The following ZNF496 variants were observed in gnomAD, a reference collection of about 807,000 sequenced individuals.
ZNF496 encodes zinc finger protein 496.
In ZNF496, 11 loss-of-function variants were observed where a neutral mutation model predicts 58.9. That is an observed-to-expected ratio of 0.19 (90% CI 0.12 to 0.31). The LOEUF is 0.31. Ranked by LOEUF, ZNF496 falls within the 10% of genes least tolerant of loss-of-function variation. The pLI, the probability that ZNF496 is intolerant of heterozygous loss-of-function variation, is 1.00. For synonymous variants in ZNF496, 338 were observed against 318.2 expected, an observed-to-expected ratio of 1.06 and a Z score of -0.66; for missense variants, 660 against 783.0, an observed-to-expected ratio of 0.84 and a Z score of 1.88.
intron 5 of ZNF496, among the ~76,000 whole-genome samples, chr1:247,328,206 C>T (rs1468905309): frequency 6.6e-6 from 1 of 152,202 alleles, no homozygotes; most frequent in Non-Finnish European, 1.5e-5. Flanking sequence ...ACACACTAGA[C>T]ACCACCCTGT....
At position 247,308,937 on chromosome 1, in the gene ZNF496, C is replaced by T; in HGVS notation, c.893-349G>A. Reference sequence around the variant, plus strand: ...TCATCACCACAGGCTCCTGCACACTCCGCACATCCTGCACAAACAGCTTGT... The same window carrying T: ...TCATCACCACAGGCTCCTGCACACTTCGCACATCCTGCACAAACAGCTTGT... On this transcript the variant is annotated intron_variant, in intron 8 of 9. Transcript: ENST00000682384. This position sits in a 1 kb window ranked among gnomAD's most constrained non-coding sequence, Gnocchi z 4.5. The T allele has an allele frequency of 3.4e-6, 1 of 296,886 alleles. No individual in the cohort carries two copies. Among genetic ancestry groups the T allele is most frequent in the South Asian group, 3.3e-5 (1 of 30,500 alleles). 18.4% of individuals were successfully genotyped at this position (296,886 alleles called of 1,614,324 possible). A position where few individuals can be genotyped will look rare whatever the true frequency, so the allele number is the denominator to read the frequency against.
intron 6 of ZNF496, chr1:247,310,947 G>A (rs56322048): frequency 0.2 from 30,757 of 153,014 alleles, 3,806 homozygotes; most frequent in East Asian, 0.41. Context: ...AACCCTCAAA[G>A]TCTTAATTCA....
intron 6 of ZNF496, 85 bp from the exon 7 acceptor site, chr1:247,310,541 A>G: frequency 6.6e-7 from 1 of 1,521,446 alleles, no homozygotes; most frequent in Non-Finnish European, 9.0e-7. Flanking sequence ...TGACAACACA[A>G]CGCTGTAGGA....
At chr1:247,301,896 G>C (rs2103015133) in intron 9 of ZNF496, among the ~76,000 whole-genome samples, 1 of 152,282 alleles carries the variant, frequency 6.6e-6, no homozygotes, top group Admixed American at 6.5e-5. Flanking sequence ...CTGCTCAACA[G>C]TCCCAGACTG....
At chr1:247,306,684 T>C (rs1659423862) in intron 9 of ZNF496, among the ~76,000 whole-genome samples, 1 of 150,128 alleles carries the variant, frequency 6.7e-6, no homozygotes, top group South Asian at 2.1e-4. Flanking sequence ...GTATTTTTAG[T>C]AGAGACAGGT....
chr1:247,300,541 T>C lies in ZNF496; in HGVS notation c.1742A>G (p.Lys581Arg), dbSNP rs1331806140. The C allele has an allele frequency of 6.2e-7, 1 of 1,609,766 alleles. No individual in the cohort carries two copies. The highest frequency in any genetic ancestry group is 8.5e-7 in the Non-Finnish European group (1 of 1,176,944). ...GGCTCAGTAGGAGTTCAGAGCCTGC[T>C]TGGAACGGCGCTTCATGTGCAGGCG... Reference protein sequence around the residue: ...HERLHMKRRSKQALNSY With the variant: ...HERLHMKRRSRQALNSY The change falls in exon 10 of 10, where the codon AAG becomes AGG. Residue 581 changes from lysine to arginine, a missense_variant. Physicochemically the swap from Lys to Arg is conservative, Grantham distance 26. Transcript: ENST00000682384. This position sits in a 1 kb window ranked among gnomAD's most constrained non-coding sequence, Gnocchi z 5.7.
intron 5 of ZNF496, among the ~76,000 whole-genome samples, chr1:247,325,963 G>A (rs1055903922): frequency 4.0e-5 from 6 of 151,528 alleles, no homozygotes; most frequent in African/African-American, 4.9e-5. Flanking sequence ...CATGTTGGCC[G>A]GGCACAGTGG....
chr1:247,314,622 A>C (rs1319335799), intron 6 of ZNF496, among the ~76,000 whole-genome samples: 2 of 152,238 alleles, frequency 1.3e-5, no homozygotes, highest in African/African-American at 4.8e-5. Flanking sequence ...AAAAAGGAAC[A>C]GAATAATTTT....
chr1:247,304,191 C>T, intron 9 of ZNF496: 2 of 267,238 alleles, frequency 7.5e-6, no homozygotes, highest in Non-Finnish European at 1.5e-5. Context: ...CCAAAGGTGG[C>T]TCAGAGGTTA....
At position 247,329,267 on chromosome 1, in the gene ZNF496, C is replaced by A. The variant is rs760533540; in HGVS notation, c.312G>T (p.Ala104=). The change falls in exon 4 of 10, where the codon GCG becomes GCT. Residue 104 remains alanine (A), a synonymous_variant. Coordinates refer to ENST00000682384, the MANE Select transcript of ZNF496 (RefSeq NM_032752.3). This position sits in a 1 kb window ranked among gnomAD's most constrained non-coding sequence, Gnocchi z 5.5. ...LPREIQSWVR[A]QEPESGEQAV... ...CCTGCTCTCCGCTCTCAGGCTCCTG[C>A]GCCCGCACCCAGCTCTGGATCTCCC... 1 of 1,613,672 alleles carries A rather than the reference C, an allele frequency of 6.2e-7. No individual in the cohort carries two copies. The highest frequency in any genetic ancestry group is 8.5e-7 in the Non-Finnish European group (1 of 1,180,020).
Position 247,300,638 on chromosome 1 carries a change from T to C in ZNF496, c.1645A>G (p.Lys549Glu). 6.2e-7 allele frequency: 1 copy of C among 1,614,180 alleles called. No homozygotes were observed. Among genetic ancestry groups the C allele is most frequent in the Non-Finnish European group, 8.5e-7 (1 of 1,180,048 alleles). The stretch of plus-strand genomic sequence containing the variant: ...TACCGGCACTGGAAGGGCCGGGCTT[T>C]GTCCTTCAGGTGAAAGTGGCTGCGG... ...RHRSHFHLKD[K>E]ARPFQCRYCV... The change falls in exon 10 of 10, where the codon AAA (lysine) becomes GAA (glutamate). Residue 549 changes from lysine to glutamate, a missense_variant. Coordinates refer to ENST00000682384, the MANE Select transcript of ZNF496 (RefSeq NM_032752.3). This position sits in a 1 kb window ranked among gnomAD's most constrained non-coding sequence, Gnocchi z 5.7.
intron 5 of ZNF496, among the ~76,000 whole-genome samples, chr1:247,326,071 C>T (rs2386529): frequency 0.016 from 1,628 of 99,322 alleles, 12 homozygotes; most frequent in Middle Eastern, 0.022. Context: ...CACATATATA[C>T]ACACACACAC....
At chr1:247,310,038 G>C in intron 7 of ZNF496, 1 of 1,427,912 alleles carries the variant, frequency 7.0e-7, no homozygotes, top group Non-Finnish European at 9.1e-7. Flanking sequence ...CAGACATAAA[G>C]GGACAAAACG....
intron 1 of ZNF496, 21 bp downstream of exon 1, chr1:247,331,769 C>T (rs1319134621): frequency 6.7e-6 from 1 of 149,286 alleles, no homozygotes; most frequent in Non-Finnish European, 1.5e-5. Flanking sequence ...GGGCCGGCCG[C>T]GGGAGCCGGG....
chr1:247,305,143 G>A (rs1659369647), intron 9 of ZNF496, among the ~76,000 whole-genome samples: 1 of 152,080 alleles, frequency 6.6e-6, no homozygotes, highest in Admixed American at 6.6e-5. Context: ...GACGACATAT[G>A]GGTGGGTGGG....
At chr1:247,324,811 T>C (rs926504243) in intron 5 of ZNF496, among the ~76,000 whole-genome samples, 3 of 152,218 alleles carry the variant, frequency 2.0e-5, no homozygotes, top group African/African-American at 7.2e-5. Context: ...TGAAAGAGCA[T>C]TTGACACAGT....
chr1:247,330,328 G>A (rs1191491682), intron 2 of ZNF496, among the ~76,000 whole-genome samples: 2 of 152,176 alleles, frequency 1.3e-5, no homozygotes, highest in Non-Finnish European at 2.9e-5. Flanking sequence ...TGAGCCTTCT[G>A]CCAATTCTGC....
At chr1:247,320,158 T>C (rs1445392159) in intron 6 of ZNF496, among the ~76,000 whole-genome samples, 1 of 152,222 alleles carries the variant, frequency 6.6e-6, no homozygotes, top group Non-Finnish European at 1.5e-5. Flanking sequence ...TGAAGACTGA[T>C]GTGTATATAA....
intron 6 of ZNF496, among the ~76,000 whole-genome samples, chr1:247,315,952 G>C (rs1456452193): frequency 6.6e-6 from 1 of 152,092 alleles, no homozygotes; most frequent in Non-Finnish European, 1.5e-5. Context: ...GTGTGGAAAA[G>C]CCTGTCTTCC....
Sources: allele counts gnomAD v4.1 joint callset (sites outside exome capture counted in the v4.1 genomes callset), GRCh38; gene constraint gnomAD v4.1.1; non-coding constraint Gnocchi (gnomAD v3.1); transcripts MANE v1.5; gene names NCBI Gene and HGNC (gene_info 2026-07-23, HGNC 2026-07-21).